The following GRID2 variants were observed in gnomAD, a reference collection of about 807,000 sequenced individuals.
The protein encoded by GRID2 is glutamate receptor ionotropic, delta-2.
GRID2 carries 33 observed loss-of-function variants against 114.8 expected under a neutral mutation model. The ratio of observed to expected loss-of-function variants is 0.29; its 90% confidence interval spans 0.22 to 0.38. GRID2 has a LOEUF of 0.38. GRID2 is among the 10% of genes least tolerant of loss of function. The probability of loss-of-function intolerance (pLI) is 1.00; values close to 1 mark genes in which losing one functional copy is unlikely to be tolerated. For missense variants in GRID2, 1,184 were observed against 1,257.7 expected, an observed-to-expected ratio of 0.94 and a Z score of 0.89; for synonymous variants, 505 against 449.9, an observed-to-expected ratio of 1.12 and a Z score of -1.55.
intron 4 of GRID2, among the ~76,000 whole-genome samples, chr4:93,201,416 T>C (rs1366350375): frequency 6.6e-6 from 1 of 152,200 alleles, no homozygotes; most frequent in Non-Finnish European, 1.5e-5. Flanking sequence ...AGTGTTTCTC[T>C]AGCCACTTGT....
intron 8 of GRID2, among the ~76,000 whole-genome samples, chr4:93,340,538 A>T (rs528875585): frequency 1.3e-5 from 2 of 152,092 alleles, no homozygotes; most frequent in Admixed American, 6.6e-5. Flanking sequence ...GTGTAAGTGT[A>T]TTCTGGTTTC....
intron 1 of GRID2, among the ~76,000 whole-genome samples, chr4:92,411,627 G>GTGTGTGTC (rs1335434980): frequency 4.4e-5 from 4 of 91,018 alleles, no homozygotes; most frequent in African/African-American, 2.2e-4. Flanking sequence ...ATATATGCAT[G>GTGTGTGTC]TGTGTGTGTG....
chr4:92,676,818 A>G (rs1232132046), intron 2 of GRID2, among the ~76,000 whole-genome samples: 1 of 152,190 alleles, frequency 6.6e-6, no homozygotes, highest in Non-Finnish European at 1.5e-5. Flanking sequence ...AGATGCTTAT[A>G]CACCTGTGTT....
chr4:92,867,493 T>G (rs140384567), intron 2 of GRID2, among the ~76,000 whole-genome samples: 81 of 152,162 alleles, frequency 5.3e-4, no homozygotes, highest in African/African-American at 1.9e-3. Context: ...AATGCTAATT[T>G]AGCTTGAGTA....
intron 1 of GRID2, among the ~76,000 whole-genome samples, chr4:92,450,865 A>T (rs543691349): frequency 1.0e-3 from 152 of 147,812 alleles, no homozygotes; most frequent in African/African-American, 3.6e-3. Flanking sequence ...AATAAATTTA[A>T]TTTTTAAATA....
chr4:92,643,591 C>T (rs974527098), intron 2 of GRID2, among the ~76,000 whole-genome samples: 7 of 151,438 alleles, frequency 4.6e-5, no homozygotes, highest in Admixed American at 6.6e-5. Context: ...ACAATAGCTA[C>T]AAAAAAATGA....
intron 2 of GRID2, among the ~76,000 whole-genome samples, chr4:92,872,242 A>C (rs1223533021): frequency 6.6e-6 from 1 of 152,216 alleles, no homozygotes; most frequent in Non-Finnish European, 1.5e-5. Context: ...TCAATTTATG[A>C]ACACATTTAT....
At chr4:93,531,072 A>T (rs912182359) in intron 13 of GRID2, among the ~76,000 whole-genome samples, 9 of 152,166 alleles carry the variant, frequency 5.9e-5, no homozygotes, top group Admixed American at 2.0e-4. Flanking sequence ...TGATTAGGGA[A>T]GGATGCCATG....
At chr4:92,542,368 T>C (rs1383898592) in intron 1 of GRID2, among the ~76,000 whole-genome samples, 1 of 152,162 alleles carries the variant, frequency 6.6e-6, no homozygotes, top group Admixed American at 6.6e-5. Context: ...AGAACAGTTT[T>C]ACCTGCTTTC....
chr4:92,987,877 G>C (rs914698082), intron 2 of GRID2, among the ~76,000 whole-genome samples: 3 of 151,962 alleles, frequency 2.0e-5, no homozygotes, highest in Non-Finnish European at 4.4e-5. Flanking sequence ...TATTTAATTA[G>C]ATATCTGCTA....
chr4:92,309,247 T>C (rs576839908), intron 1 of GRID2, among the ~76,000 whole-genome samples: 2 of 152,150 alleles, frequency 1.3e-5, no homozygotes, highest in African/African-American at 2.4e-5. Flanking sequence ...TATCATATGG[T>C]AATTTTATCT....
chr4:93,494,736 A>G (rs1331653937), intron 12 of GRID2, among the ~76,000 whole-genome samples: 1 of 151,764 alleles, frequency 6.6e-6, no homozygotes, highest in Non-Finnish European at 1.5e-5. Flanking sequence ...CTCTAATGAC[A>G]ATTTGGGCTT....
At chr4:93,053,770 G>A (rs1001821866) in intron 2 of GRID2, among the ~76,000 whole-genome samples, 3 of 151,902 alleles carry the variant, frequency 2.0e-5, no homozygotes, top group Non-Finnish European at 4.4e-5. Context: ...AGCTATAGCT[G>A]TATAAAAAGG....
Position 92,658,860 on chromosome 4 carries a change from CATTT to C in GRID2, c.244+68578_244+68581del, listed in dbSNP as rs1395705364. Among the ~76,000 whole-genome samples the C allele has an allele frequency of 7.2e-4, 95 of 132,472 alleles. 5 individuals are homozygous for C. Among genetic ancestry groups the C allele is most frequent in the Admixed American group, 1.3e-3 (17 of 13,414 alleles). The allele number at this position is 132,472 out of a possible 152,430, so 86.9% of individuals were successfully genotyped here. A position where few individuals can be genotyped will look rare whatever the true frequency, so the allele number is the denominator to read the frequency against. On this transcript the variant is annotated intron_variant, in intron 2 of 15. Transcript: ENST00000282020. The stretch of plus-strand genomic sequence containing the variant: ...ATTCATTGTATGTGTATATGTATCA[CATTT>C]ATTATATGTGTATATATATATTTAT...
chr4:92,981,350 T>C (rs1754199258), intron 2 of GRID2, among the ~76,000 whole-genome samples: 1 of 152,044 alleles, frequency 6.6e-6, no homozygotes, highest in Non-Finnish European at 1.5e-5. Flanking sequence ...CTCTGTTCCT[T>C]AGATGTAGCA....
intron 14 of GRID2, among the ~76,000 whole-genome samples, chr4:93,628,009 A>G (rs776391531): frequency 3.4e-4 from 51 of 152,154 alleles, no homozygotes; most frequent in Non-Finnish European, 5.9e-4. Context: ...CCCCATCTCT[A>G]CTAAAAATAC....
intron 8 of GRID2, among the ~76,000 whole-genome samples, chr4:93,377,175 T>A (rs955763978): frequency 6.6e-6 from 1 of 152,176 alleles, no homozygotes; most frequent in Non-Finnish European, 1.5e-5. Context: ...AACTCATTGA[T>A]AATGAGTTGA....
At chr4:92,441,837 C>A (rs867748211) in intron 1 of GRID2, among the ~76,000 whole-genome samples, 1 of 144,942 alleles carries the variant, frequency 6.9e-6, no homozygotes, top group East Asian at 2.0e-4. Context: ...AAGAGGAGGA[C>A]GCAAAGGAGG....
chr4:92,801,836 C>T (rs1239513688), intron 2 of GRID2, among the ~76,000 whole-genome samples: 2 of 151,676 alleles, frequency 1.3e-5, no homozygotes, highest in African/African-American at 2.4e-5. Context: ...TTTTCTTATC[C>T]TTATTTTATA....
Sources: gnomAD v4.1 joint callset for allele counts (sites outside exome capture counted in the v4.1 genomes callset) on GRCh38, gnomAD v4.1.1 for gene constraint, MANE v1.5 for transcripts, NCBI Gene and HGNC (gene_info 2026-07-23, HGNC 2026-07-21) for gene names.